Variants in CYP4X1 observed in about 807,000 individuals in gnomAD.
The protein encoded by CYP4X1 is cytochrome P450 family 4 subfamily X member 1.
Under a neutral mutation model 57.9 loss-of-function variants are expected in CYP4X1, and 44 were observed. That is an observed-to-expected ratio of 0.76 (90% CI 0.60 to 0.98). The LOEUF (loss-of-function observed/expected upper bound fraction) is 0.98, where lower values mean the gene tolerates loss of function less well. CYP4X1 is among the 50% of genes least tolerant of loss of function. CYP4X1 has a pLI of 0.00. For missense variants in CYP4X1, 532 were observed against 623.9 expected, an observed-to-expected ratio of 0.85 and a Z score of 1.57; for synonymous variants, 227 against 228.6, an observed-to-expected ratio of 0.99 and a Z score of 0.06.
chr1:47,026,556 C>A (rs1015700645), intron 1 of CYP4X1, among the ~76,000 whole-genome samples: 1 of 152,026 alleles, frequency 6.6e-6, no homozygotes, highest in African/African-American at 2.4e-5. Context: ...TTAGACTCAG[C>A]CTATCAATTT....
At chr1:47,045,281 T>C (rs1644289433) in intron 8 of CYP4X1, among the ~76,000 whole-genome samples, 1 of 152,200 alleles carries the variant, frequency 6.6e-6, no homozygotes, top group Non-Finnish European at 1.5e-5. Flanking sequence ...AGTCATTTTA[T>C]GGAACCAATC....
At chr1:46,997,154 T>C in the CYP4X1 span, among the ~76,000 whole-genome samples, 3 of 152,042 alleles carry the variant, frequency 2.0e-5, no homozygotes, top group African/African-American at 7.2e-5. Context: ...AGAAGTATTT[T>C]TTTTGTAAAT....
intron 8 of CYP4X1, among the ~76,000 whole-genome samples, chr1:47,041,820 A>G (rs994580966): frequency 1.3e-5 from 2 of 151,980 alleles, no homozygotes; most frequent in Non-Finnish European, 2.9e-5. Context: ...TCTGTTGACT[A>G]TACTTCCAGA....
At chr1:46,994,554 C>G in the CYP4X1 span, 1,366 of 155,694 alleles carry the variant, frequency 8.8e-3, 18 homozygotes, top group African/African-American at 0.031. Flanking sequence ...CTGACTGCCC[C>G]TGACTATCCC....
chr1:47,013,816 G>A, the CYP4X1 span, among the ~76,000 whole-genome samples: 1 of 138,828 alleles, frequency 7.2e-6, no homozygotes, highest in Non-Finnish European at 1.5e-5. Context: ...AGGCTGGAAT[G>A]CAGTGGCATG....
intron 9 of CYP4X1, 108 bp from the exon 10 acceptor site, chr1:47,048,457 T>G: frequency 1.7e-6 from 2 of 1,170,416 alleles, no homozygotes; most frequent in Non-Finnish European, 2.6e-6. Flanking sequence ...GGCAGAGCAT[T>G]GCCAGGAGCT....
At chr1:46,985,186 G>GA in the CYP4X1 span, among the ~76,000 whole-genome samples, 1 of 152,050 alleles carries the variant, frequency 6.6e-6, no homozygotes. Flanking sequence ...GGGCATCTCT[G>GA]AAAAAAAGGC....
At chr1:47,031,513 T>C in intron 3 of CYP4X1, 33 bp downstream of exon 3, 1 of 1,608,262 alleles carries the variant, frequency 6.2e-7, no homozygotes. Context: ...TATAACCCAC[T>C]CTCATTCAAA....
At chr1:47,053,344 T>C (rs867365526), downstream of CYP4X1, among the ~76,000 whole-genome samples, 12 of 152,318 alleles carry the variant, frequency 7.9e-5, no homozygotes, top group Admixed American at 3.9e-4. Context: ...TGGTTCCAAG[T>C]CTTTGCTATT....
chr1:47,029,571 G>T (rs1644104343), intron 1 of CYP4X1, among the ~76,000 whole-genome samples: 3 of 152,116 alleles, frequency 2.0e-5, no homozygotes, highest in Admixed American at 2.0e-4. Flanking sequence ...AAGAAGAAAT[G>T]GTGAGCTGGA....
intron 1 of CYP4X1, among the ~76,000 whole-genome samples, chr1:47,026,099 G>A (rs1381615939): frequency 6.6e-6 from 1 of 152,150 alleles, no homozygotes; most frequent in Non-Finnish European, 1.5e-5. Context: ...AGGATAGAGG[G>A]GAGCTGGGGG....
At chr1:46,961,587 T>C in the CYP4X1 span, 1 of 1,270,818 alleles carries the variant, frequency 7.9e-7, no homozygotes, top group Non-Finnish European at 1.0e-6. Flanking sequence ...CAGGCTATGA[T>C]GTGGGGAGGA....
Position 47,024,005 on chromosome 1 carries a change from GGGAGGAGGGAGGAAGGAGGAGGGAGGGGC to G in CYP4X1, c.177+20_177+48del. The G allele has an allele frequency of 6.2e-7, 1 of 1,607,150 alleles. No individual in the cohort carries two copies. The highest frequency in any genetic ancestry group is 8.5e-7 in the Non-Finnish European group (1 of 1,176,268). ...CTTGGGCACCAGAAGGTAGATGGGA[GGGAGGAGGGAGGAAGGAGGAGGGAGGGGC>G]GGAGGAGGATGCGGCAGAGGAGCCC... is the stretch of plus-strand genomic sequence containing the variant. On this transcript the variant is annotated intron_variant, in intron 1 of 11. Transcript: ENST00000371901.
At chr1:46,976,609 T>C in the CYP4X1 span, among the ~76,000 whole-genome samples, 3 of 152,262 alleles carry the variant, frequency 2.0e-5, no homozygotes, top group East Asian at 5.8e-4. Context: ...TCTCCCAGCA[T>C]GGTGTTTGAG....
intron 1 of CYP4X1, among the ~76,000 whole-genome samples, chr1:47,025,859 A>G (rs1557600905): frequency 6.6e-6 from 1 of 152,114 alleles, no homozygotes; most frequent in Non-Finnish European, 1.5e-5. Flanking sequence ...GTATGCAGAT[A>G]TTGTTCTAGG....
rs765559210 is a variant in CYP4X1, at chr1:47,030,110, A to G, written c.298A>G (p.Lys100Glu). ...FFCIYDPDYA[K>E]TLLSRTDPKS... ...CTGTATCTATGACCCAGACTATGCA[A>G]AGACACTTCTGAGCAGAACAGGTAA... is the stretch of plus-strand genomic sequence containing the variant. The change falls in exon 2 of 12, where the codon AAG becomes GAG. Residue 100 changes from lysine (K) to glutamate (E), a missense_variant. By Grantham distance (56) the Lys-to-Glu change is moderately conservative. Transcript: ENST00000371901. The G allele has an allele frequency of 1.9e-6, 3 of 1,613,922 alleles. No homozygotes were observed.
the CYP4X1 span, among the ~76,000 whole-genome samples, chr1:47,008,066 C>A: frequency 1.3e-5 from 2 of 152,110 alleles, no homozygotes; most frequent in African/African-American, 4.8e-5. Flanking sequence ...TCAGGAAATA[C>A]AGAGAATGCC....
Position 47,023,682 on chromosome 1 carries a change from C to A in CYP4X1, c.-136C>A. ...GCTGCCCCTCCCACTGCCTTTCCTT[C>A]TTCCCGCGAGTCAGAAGCTTCGCGA... On this transcript the variant is annotated 5_prime_UTR_variant, in exon 1 of 12. Coordinates refer to ENST00000371901, the MANE Select transcript of CYP4X1 (RefSeq NM_178033.2). 1 of 1,429,088 alleles carries A rather than the reference C, an allele frequency of 7.0e-7. No homozygotes were observed. Among genetic ancestry groups the A allele is most frequent in the Non-Finnish European group, 9.1e-7 (1 of 1,094,792 alleles). The allele number at this position is 1,429,088 out of a possible 1,614,324, so 88.5% of individuals were successfully genotyped here.
At chr1:46,993,397 A>G in the CYP4X1 span, among the ~76,000 whole-genome samples, 3 of 152,258 alleles carry the variant, frequency 2.0e-5, no homozygotes, top group South Asian at 4.2e-4. Flanking sequence ...AAACATACAT[A>G]TGCATGTGTC....
Sources: allele counts gnomAD v4.1 joint callset (sites outside exome capture counted in the v4.1 genomes callset), GRCh38; gene constraint gnomAD v4.1.1; transcripts MANE v1.5; gene names NCBI Gene and HGNC (gene_info 2026-07-23, HGNC 2026-07-21).